CADM2: variants seen among roughly 807,000 people sequenced by gnomAD.
CADM2 encodes immunoglobulin superfamily member 4D.
A neutral mutation model predicts 49.8 loss-of-function variants in CADM2; 12 were observed. That is an observed-to-expected ratio of 0.24 (90% CI 0.15 to 0.39). CADM2 has a LOEUF of 0.39. Among genes scored for constraint, CADM2 ranks in the 10% least tolerant of loss-of-function variants. The pLI is 1.00. For synonymous variants in CADM2, 214 were observed against 175.4 expected (o/e 1.22, Z -1.74); for missense variants, 378 against 492.3 (o/e 0.77, Z 2.20).
At chr3:85,404,850 T>G (rs2035296603) in intron 1 of CADM2, among the ~76,000 whole-genome samples, 1 of 152,110 alleles carries the variant, frequency 6.6e-6, no homozygotes, top group Non-Finnish European at 1.5e-5. Flanking sequence ...TGTTTTAAAG[T>G]TTGTTACTTC....
At chr3:85,733,632 C>A (rs1439403626) in intron 2 of CADM2, among the ~76,000 whole-genome samples, 3 of 152,096 alleles carry the variant, frequency 2.0e-5, no homozygotes, top group Non-Finnish European at 4.4e-5. Context: ...TAGGTTTGAG[C>A]TTCACTGTGC....
chr3:85,014,985 G>C (rs1182987337), intron 1 of CADM2, among the ~76,000 whole-genome samples: 1 of 152,022 alleles, frequency 6.6e-6, no homozygotes, highest in Non-Finnish European at 1.5e-5. Flanking sequence ...TAATGAGAAA[G>C]AAGGTTTACA....
intron 3 of CADM2, among the ~76,000 whole-genome samples, chr3:85,861,028 T>C (rs79820730): frequency 0.025 from 3,798 of 152,210 alleles, 98 homozygotes; most frequent in East Asian, 0.048. Context: ...AAGAGGCAAA[T>C]TGTGCCCAGT....
chr3:85,912,667 T>A, intron 6 of CADM2, 124 bp downstream of exon 6: 1 of 867,800 alleles, frequency 1.2e-6, no homozygotes, highest in South Asian at 1.8e-5. Context: ...CAAAATGAAG[T>A]AAAACTACAT....
chr3:85,925,050 C>T (rs979493669), intron 6 of CADM2, among the ~76,000 whole-genome samples: 6 of 152,022 alleles, frequency 3.9e-5, no homozygotes, highest in Admixed American at 1.3e-4. Context: ...TTTTCTTTCC[C>T]TCTAGAAAAT....
intron 1 of CADM2, among the ~76,000 whole-genome samples, chr3:85,054,440 A>G (rs531551238): frequency 6.6e-6 from 1 of 152,008 alleles, no homozygotes; most frequent in South Asian, 2.1e-4. Context: ...TAAGGCTTAG[A>G]CATTTTGTAT....
intron 1 of CADM2, among the ~76,000 whole-genome samples, chr3:85,199,368 T>TGAGAGAGAGAGAGAGAGAGAG (rs1553694522): frequency 1.9e-4 from 22 of 115,226 alleles, no homozygotes; most frequent in African/African-American, 1.1e-3. Context: ...TGTGTGTGTG[T>TGAGAGAGAGAGAGAGAGAGAG]ATGAGAGAGA....
intron 1 of CADM2, among the ~76,000 whole-genome samples, chr3:84,962,309 A>C (rs1435611925): frequency 6.6e-6 from 1 of 151,646 alleles, no homozygotes; most frequent in East Asian, 1.9e-4. Context: ...GAGGGGGCAC[A>C]AAGCACCACT....
intron 3 of CADM2, among the ~76,000 whole-genome samples, chr3:85,880,453 T>C (rs113423160): frequency 0.043 from 6,565 of 152,264 alleles, 484 homozygotes; most frequent in African/African-American, 0.15. Flanking sequence ...AATTCTTTTA[T>C]GTTTGAAAAA....
intron 1 of CADM2, among the ~76,000 whole-genome samples, chr3:85,059,356 C>T (rs752278244): frequency 6.7e-6 from 1 of 150,322 alleles, no homozygotes; most frequent in East Asian, 1.9e-4. Context: ...TAAAGTCTTA[C>T]GAATTCATCT....
chr3:85,806,187 G>A (rs890508163), intron 3 of CADM2, among the ~76,000 whole-genome samples: 3 of 151,466 alleles, frequency 2.0e-5, no homozygotes, highest in African/African-American at 7.3e-5. Context: ...AGGGAGGGAG[G>A]GAGGAAGGAA....
chr3:85,210,226 T>A (rs1405742154), intron 1 of CADM2, among the ~76,000 whole-genome samples: 6 of 152,186 alleles, frequency 3.9e-5, no homozygotes, highest in Admixed American at 1.3e-4. Context: ...TAGCATCAAT[T>A]GAAATGATAT....
At chr3:85,293,101 G>C (rs1253173361) in intron 1 of CADM2, among the ~76,000 whole-genome samples, 1 of 151,980 alleles carries the variant, frequency 6.6e-6, no homozygotes, top group South Asian at 2.1e-4. Flanking sequence ...AATGATAAAG[G>C]GGATATCATC....
intron 1 of CADM2, among the ~76,000 whole-genome samples, chr3:85,345,312 T>C (rs1477162300): frequency 4.8e-4 from 1 of 2,098 alleles, no homozygotes; most frequent in Non-Finnish European, 1.3e-3. Context: ...AGTCTCCATC[T>C]CAAAAAAAAA....
intron 8 of CADM2, among the ~76,000 whole-genome samples, chr3:86,017,931 G>A (rs993889140): frequency 1.4e-5 from 2 of 142,916 alleles, no homozygotes; most frequent in South Asian, 2.2e-4. Context: ...CATTGTGCAG[G>A]TTAGTTACAT....
intron 1 of CADM2, among the ~76,000 whole-genome samples, chr3:85,332,520 A>G (rs895931932): frequency 1.3e-5 from 2 of 151,920 alleles, no homozygotes; most frequent in African/African-American, 4.8e-5. Flanking sequence ...ATGGGAGAGA[A>G]TTACTGAAAT....
At chr3:85,529,972 A>C (rs2061261052) in intron 1 of CADM2, among the ~76,000 whole-genome samples, 1 of 152,020 alleles carries the variant, frequency 6.6e-6, no homozygotes, top group Non-Finnish European at 1.5e-5. Flanking sequence ...CCACCTGGTA[A>C]ATGCCAATGG....
At chr3:85,188,578 G>T (rs2041121638) in intron 1 of CADM2, among the ~76,000 whole-genome samples, 1 of 150,742 alleles carries the variant, frequency 6.6e-6, no homozygotes, top group Non-Finnish European at 1.5e-5. Flanking sequence ...AATTCAAGTT[G>T]TTTTTTTTCA....
At chr3:86,032,296 C>T (rs1352236808) in intron 8 of CADM2, among the ~76,000 whole-genome samples, 1 of 151,698 alleles carries the variant, frequency 6.6e-6, no homozygotes, top group Non-Finnish European at 1.5e-5. Flanking sequence ...CAAACAGGTA[C>T]ATAAAGTTTA....
Sources: gnomAD v4.1 joint callset for allele counts (sites outside exome capture counted in the v4.1 genomes callset) on GRCh38, gnomAD v4.1.1 for gene constraint, MANE v1.5 for transcripts, NCBI Gene and HGNC (gene_info 2026-07-23, HGNC 2026-07-21) for gene names.